CCDC73: variants seen among roughly 807,000 people sequenced by gnomAD.
CCDC73 encodes coiled-coil domain-containing protein 73.
A neutral mutation model predicts 116.5 loss-of-function variants in CCDC73; 95 were observed. That is an observed-to-expected ratio of 0.82 (90% CI 0.69 to 0.97). CCDC73 has a LOEUF of 0.97. Ranked by LOEUF, CCDC73 falls within the 50% of genes least tolerant of loss-of-function variation. The pLI is 0.00. For missense variants in CCDC73, 1,066 were observed against 1,206.8 expected (o/e 0.88, Z 1.73); for synonymous variants, 398 against 401.3 (o/e 0.99, Z 0.10).
the CCDC73 span, among the ~76,000 whole-genome samples, chr11:32,806,630 CAAAA>C: frequency 8.0e-6 from 1 of 125,570 alleles, no homozygotes. Context: ...AGACCTGTCT[CAAAA>C]AAAAAAAAAA....
chr11:32,763,094 G>A (rs1279113337), intron 1 of CCDC73, among the ~76,000 whole-genome samples: 1 of 152,236 alleles, frequency 6.6e-6, no homozygotes, highest in Non-Finnish European at 1.5e-5. Context: ...AAACAAAGCA[G>A]CCAGGAAACC....
the CCDC73 span, among the ~76,000 whole-genome samples, chr11:32,811,574 G>T: frequency 6.6e-6 from 1 of 152,044 alleles, no homozygotes; most frequent in Non-Finnish European, 1.5e-5. Context: ...GGTTAGGCAG[G>T]CTATCCAAGC....
At chr11:32,648,260 G>T (rs1855795934) in intron 12 of CCDC73, among the ~76,000 whole-genome samples, 1 of 152,118 alleles carries the variant, frequency 6.6e-6, no homozygotes, top group Admixed American at 6.5e-5. Context: ...AATTACCATT[G>T]TCCATCTGGT....
chr11:32,671,537 T>A (rs905930716), intron 9 of CCDC73, among the ~76,000 whole-genome samples: 26 of 152,102 alleles, frequency 1.7e-4, no homozygotes, highest in Non-Finnish European at 3.2e-4. Context: ...ATAAGTGATA[T>A]AACCAATGTT....
Position 32,614,403 on chromosome 11 carries a change from G to C in CCDC73, c.1915C>G (p.Pro639Ala). ...AAACTATATTTCTGACATGGAACAGGATTTTTTTTTATATCTAGAGACGAG... is the reference window on the plus strand; with the variant it reads ...AAACTATATTTCTGACATGGAACAGCATTTTTTTTTATATCTAGAGACGAG... Reference protein sequence around the residue: ...LDSSLDIKKNPVPCQKYSLRN... With the variant: ...LDSSLDIKKNAVPCQKYSLRN... The change falls in exon 16 of 18, where the codon CCT (proline) becomes GCT (alanine). Residue 639 changes from proline to alanine, a missense_variant. Pro to Ala is a conservative substitution (Grantham distance 27). Coordinates refer to ENST00000335185, the MANE Select transcript of CCDC73 (RefSeq NM_001008391.4). 1 of 1,613,182 alleles carries C rather than the reference G, an allele frequency of 6.2e-7. No homozygotes were observed. The highest frequency in any genetic ancestry group is 1.1e-5 in the South Asian group (1 of 91,028).
chr11:32,606,918 A>G (rs1302094029), intron 17 of CCDC73, among the ~76,000 whole-genome samples: 2 of 143,828 alleles, frequency 1.4e-5, no homozygotes, highest in Non-Finnish European at 3.0e-5. Flanking sequence ...CTGGGACTAC[A>G]GGTGCCTGCC....
chr11:32,664,884 C>G (rs920120486), intron 9 of CCDC73, among the ~76,000 whole-genome samples: 7 of 152,232 alleles, frequency 4.6e-5, no homozygotes, highest in Non-Finnish European at 7.3e-5. Flanking sequence ...TTTCGAAGAA[C>G]ATCTTCATGT....
intron 6 of CCDC73, among the ~76,000 whole-genome samples, chr11:32,685,266 C>CAAAAAAA (rs35408326): frequency 1.1e-5 from 1 of 93,472 alleles, no homozygotes; most frequent in Admixed American, 1.3e-4. Context: ...AACACTGGAC[C>CAAAAAAA]AAAAAAAAAA....
At position 32,793,030 on chromosome 11, in the gene CCDC73, G is replaced by A. The variant is rs188439124; in HGVS notation, c.-16+1583C>T. On this transcript the variant is annotated intron_variant, in intron 1 of 17. Coordinates refer to ENST00000335185, the MANE Select transcript of CCDC73 (RefSeq NM_001008391.4). ...ACAGTTATTACGGGATACACGGCCA[G>A]AGCGAAAGAAACTAAAAACCCTATG... Among the ~76,000 whole-genome samples the A allele has an allele frequency of 2.9e-3, 437 of 152,300 alleles. 9 individuals are homozygous for A. Among genetic ancestry groups the A allele is most frequent in the Admixed American group, 0.023 (348 of 15,298 alleles).
At chr11:32,705,008 C>G (rs1469440070) in intron 3 of CCDC73, among the ~76,000 whole-genome samples, 1 of 152,150 alleles carries the variant, frequency 6.6e-6, no homozygotes, top group African/African-American at 2.4e-5. Flanking sequence ...ATGGCAGGAG[C>G]AAAAGAAGCT....
intron 2 of CCDC73, among the ~76,000 whole-genome samples, chr11:32,741,417 T>C (rs1311620965): frequency 6.6e-6 from 1 of 152,180 alleles, no homozygotes; most frequent in African/African-American, 2.4e-5. Context: ...TTTATCATTA[T>C]ATAATGACCT....
Position 32,718,177 on chromosome 11 carries a change from T to C in CCDC73, c.136-30A>G, listed in dbSNP as rs761783037. On this transcript the variant is annotated intron_variant, in intron 2 of 17. Coordinates refer to ENST00000335185, the MANE Select transcript of CCDC73 (RefSeq NM_001008391.4). Reference sequence around the variant, plus strand: ...GTCAAAAAGAAAAAGAAAAGTGCTATAAAAATAAAGACTTTAAAACTTCCA... The same window carrying C: ...GTCAAAAAGAAAAAGAAAAGTGCTACAAAAATAAAGACTTTAAAACTTCCA... 52 of 1,482,672 alleles carry C rather than the reference T, an allele frequency of 3.5e-5. No homozygotes were observed. In the Admixed American group the frequency reaches 8.0e-4, roughly 23 times the overall value. The allele number at this position is 1,482,672 out of a possible 1,614,324, so 91.8% of individuals were successfully genotyped here.
At chr11:32,830,289 C>T in the CCDC73 span, 2 of 868,270 alleles carry the variant, frequency 2.3e-6, no homozygotes, top group Non-Finnish European at 3.1e-6. Flanking sequence ...GACAGGTGCC[C>T]GATCAGCCCT....
At chr11:32,786,748 A>G (rs1335548727) in intron 1 of CCDC73, among the ~76,000 whole-genome samples, 1 of 152,048 alleles carries the variant, frequency 6.6e-6, no homozygotes, top group South Asian at 2.1e-4. Context: ...AATACTCTAC[A>G]GTGGAAAGTA....
Position 32,664,509 on chromosome 11 carries a change from G to A in CCDC73, c.646-9537C>T, listed in dbSNP as rs1032940605. ...TTCTCTGATGGTAGTTTGTATTTCC[G>A]TGGGATTGGTGGTGATATCCCCTTT... On this transcript the variant is annotated intron_variant, in intron 9 of 17. Coordinates refer to ENST00000335185, the MANE Select transcript of CCDC73 (RefSeq NM_001008391.4). 7.2e-5 allele frequency among the ~76,000 whole-genome samples: 11 copies of A among 152,100 alleles called. 1 individual carries two copies. Among genetic ancestry groups the A allele is most frequent in the East Asian group, 3.8e-4 (2 of 5,200 alleles).
intron 9 of CCDC73, among the ~76,000 whole-genome samples, chr11:32,671,535 T>TA (rs1315384528): frequency 6.6e-6 from 1 of 152,150 alleles, no homozygotes; most frequent in Non-Finnish European, 1.5e-5. Context: ...AAATAAGTGA[T>TA]ATAACCAATG....
intron 9 of CCDC73, among the ~76,000 whole-genome samples, chr11:32,659,440 G>C (rs941937270): frequency 5.3e-5 from 8 of 152,270 alleles, no homozygotes; most frequent in African/African-American, 1.9e-4. Flanking sequence ...CAAAGACTTT[G>C]AGAAAAGCAA....
intron 2 of CCDC73, among the ~76,000 whole-genome samples, chr11:32,738,161 C>T (rs1230872453): frequency 2.6e-5 from 4 of 152,214 alleles, no homozygotes; most frequent in Non-Finnish European, 4.4e-5. Flanking sequence ...CTACAATAAA[C>T]ACGGGAGTAC....
chr11:32,822,364 A>G, the CCDC73 span, among the ~76,000 whole-genome samples: 1 of 152,218 alleles, frequency 6.6e-6, no homozygotes, highest in Non-Finnish European at 1.5e-5. Context: ...TGTTGATGAC[A>G]TGGACTAACA....
Sources: gnomAD v4.1 joint callset for allele counts (sites outside exome capture counted in the v4.1 genomes callset) on GRCh38, gnomAD v4.1.1 for gene constraint, MANE v1.5 for transcripts, NCBI Gene and HGNC (gene_info 2026-07-23, HGNC 2026-07-21) for gene names.